Variants in ATG2A observed in about 807,000 individuals in gnomAD.
The protein encoded by ATG2A is autophagy-related protein 2 homolog A.
A neutral mutation model predicts 214.2 loss-of-function variants in ATG2A; 103 were observed. The observed-to-expected ratio is 0.48, with a 90% CI of 0.41 to 0.57. ATG2A has a LOEUF of 0.57. Among genes scored for constraint, ATG2A ranks in the 20% least tolerant of loss-of-function variants. The pLI, the probability that ATG2A is intolerant of heterozygous loss-of-function variation, is 0.00. For synonymous variants in ATG2A, 1,160 were observed against 1,142.1 expected (o/e 1.02, Z -0.32); for missense variants, 2,312 against 2,613.2 (o/e 0.88, Z 2.51).
In ATG2A at chr11:64,900,025, A is replaced by AT. The variant is rs35952373; in HGVS notation, c.4464+468dup. Among the ~76,000 whole-genome samples the AT allele has an allele frequency of 2.9e-4, 35 of 120,100 alleles. 1 individual carries two copies. Among genetic ancestry groups the AT allele is most frequent in the African/African-American group, 8.7e-4 (29 of 33,296 alleles). The allele number at this position is 120,100 out of a possible 152,430, so 78.8% of individuals were successfully genotyped here. ...AGGCACACACCACTGCAAATGGTTA[A>AT]TTTTTTTTTTTTTTTTTTTTGGTAG... is the stretch of plus-strand genomic sequence containing the variant. On this transcript the variant is annotated intron_variant, in intron 31 of 40. Coordinates refer to ENST00000377264, the MANE Select transcript of ATG2A (RefSeq NM_015104.3).
chr11:64,906,974 C>G (rs545902421), intron 19 of ATG2A, among the ~76,000 whole-genome samples, 159 bp from the exon 20 acceptor site: 20 of 152,326 alleles, frequency 1.3e-4, no homozygotes, highest in African/African-American at 4.6e-4. Context: ...CCTCTTTTGC[C>G]AGGAGAAAAA....
At position 64,896,918 on chromosome 11, in the gene ATG2A, A is replaced by G. The variant is rs779916115; in HGVS notation, c.5151-49T>C. The G allele has an allele frequency of 1.6e-5, 25 of 1,604,388 alleles. 1 individual carries two copies. The East Asian group carries it at 5.6e-4, about 36-fold the overall frequency. On this transcript the variant is annotated intron_variant, in intron 37 of 40. Coordinates refer to ENST00000377264, the MANE Select transcript of ATG2A (RefSeq NM_015104.3). ...GGCAGAAGGTGAGGCAGAGCCACAC[A>G]TGGAGGGATTGTGGGGTCAGGAGGA...
intron 1 of ATG2A, among the ~76,000 whole-genome samples, chr11:64,914,897 G>A (rs1235423953): frequency 6.6e-6 from 1 of 151,748 alleles, no homozygotes; most frequent in East Asian, 1.9e-4. Flanking sequence ...GGGGTGGTGA[G>A]GGGGCTGGTG....
Position 64,906,545 on chromosome 11 carries a change from T to C in ATG2A, c.2984-12A>G. 6.2e-7 allele frequency: 1 copy of C among 1,610,434 alleles called. No homozygotes were observed. The highest frequency in any genetic ancestry group is 8.5e-7 in the Non-Finnish European group (1 of 1,178,800). On this transcript the variant is annotated splice_polypyrimidine_tract_variant and intron_variant, in intron 20 of 40. Coordinates refer to ENST00000377264, the MANE Select transcript of ATG2A (RefSeq NM_015104.3). Reference sequence around the variant, plus strand: ...GTCATCCACGGCCGCTGGGGAGGGGTCTCATGAGCCCCCTGCCAAGCCAAC... The same window carrying C: ...GTCATCCACGGCCGCTGGGGAGGGGCCTCATGAGCCCCCTGCCAAGCCAAC...
intron 14 of ATG2A, 34 bp downstream of exon 14, chr11:64,909,647 C>T: frequency 6.2e-7 from 1 of 1,601,944 alleles, no homozygotes; most frequent in South Asian, 1.1e-5. Context: ...AGCCAGGCCT[C>T]TTGCCCCAAG....
At position 64,902,724 on chromosome 11, in the gene ATG2A, C is replaced by T. The variant is rs377115626; in HGVS notation, c.3613-44G>A. 3.8e-6 allele frequency: 6 copies of T among 1,574,308 alleles called. No homozygotes were observed. The African/African-American group carries it at 8.1e-5, about 21-fold the overall frequency. ...GGGAGCAGCTATGTGAACACAGGGGCCACTGCCTGCTGGCCCCACCCGCTC... is the reference window on the plus strand; with the variant it reads ...GGGAGCAGCTATGTGAACACAGGGGTCACTGCCTGCTGGCCCCACCCGCTC... On this transcript the variant is annotated intron_variant, in intron 26 of 40. Coordinates refer to ENST00000377264, the MANE Select transcript of ATG2A (RefSeq NM_015104.3).
intron 13 of ATG2A, 29 bp downstream of exon 13, chr11:64,910,011 C>A: frequency 1.3e-6 from 2 of 1,557,230 alleles, no homozygotes; most frequent in Non-Finnish European, 1.7e-6. Context: ...GCACCCACCC[C>A]CGGCCTGGCC....
At chr11:64,911,336 AAT>A in intron 9 of ATG2A, 61 bp from the exon 10 acceptor site, 3 of 1,547,816 alleles carry the variant, frequency 1.9e-6, no homozygotes, top group Middle Eastern at 1.7e-4. Context: ...CAGGTGGAGC[AAT>A]AGTTTGCCAC....
At position 64,909,880 on chromosome 11, in the gene ATG2A, G is replaced by C. The variant is rs1292326753; in HGVS notation, c.1908C>G (p.Leu636=). 2 of 1,608,540 alleles carry C rather than the reference G, an allele frequency of 1.2e-6. No individual in the cohort carries two copies. Among genetic ancestry groups the C allele is most frequent in the African/African-American group, 1.3e-5 (1 of 74,986 alleles). The change falls in exon 14 of 41, where the codon CTC becomes CTG. Residue 636 remains leucine, a synonymous_variant. Transcript: ENST00000377264. ...GCCGCAGCGTGGCCCGGGGTGCAGA[G>C]AGCCGAAATACCGTCTGCTGCTCCA... ...PAMEQQTVFR[L]SAPRATLRLR... is the part of the protein sequence containing the mutation.
chr11:64,911,315 T>C, intron 9 of ATG2A, 40 bp from the exon 10 acceptor site: 1 of 1,594,082 alleles, frequency 6.3e-7, no homozygotes, highest in Non-Finnish European at 8.6e-7. Flanking sequence ...CCCAACAGAT[T>C]CCGGGTACCC....
At chr11:64,907,983 ATCAT>A in intron 16 of ATG2A, 93 bp from the exon 17 acceptor site, 23 of 1,425,824 alleles carry the variant, frequency 1.6e-5, no homozygotes, top group Admixed American at 2.1e-5. Flanking sequence ...CCTGTCGTTC[ATCAT>A]TCATTCATTC....
At chr11:64,897,074 G>GA in intron 37 of ATG2A, 1 of 765,602 alleles carries the variant, frequency 1.3e-6, no homozygotes, top group Non-Finnish European at 2.0e-6. Context: ...AGGCTGGAGT[G>GA]AAGTGGTGCG....
intron 9 of ATG2A, 123 bp from the exon 10 acceptor site, chr11:64,911,398 G>A: frequency 1.0e-6 from 1 of 1,000,064 alleles, no homozygotes; most frequent in Non-Finnish European, 1.5e-6. Flanking sequence ...GGCTCTGGCA[G>A]AAGGCTTGGT....
At chr11:64,899,364 G>A (rs1423853826) in intron 31 of ATG2A, among the ~76,000 whole-genome samples, 1 of 152,116 alleles carries the variant, frequency 6.6e-6, no homozygotes, top group Non-Finnish European at 1.5e-5. Flanking sequence ...TCTCCGTGGA[G>A]AGCCTTCCTT....
intron 22 of ATG2A, 33 bp from the exon 23 acceptor site, chr11:64,905,881 G>A: frequency 2.5e-6 from 4 of 1,598,656 alleles, no homozygotes; most frequent in Non-Finnish European, 3.4e-6. Context: ...AAGCAGTGAG[G>A]ATCAGGTGGT....
At position 64,894,628 on chromosome 11, in the gene ATG2A, G is replaced by A. The variant is rs1944082306; in HGVS notation, c.*345C>T. 5 of 587,850 alleles carry A rather than the reference G, an allele frequency of 8.5e-6. No individual in the cohort carries two copies. The highest frequency in any genetic ancestry group is 1.3e-5 in the Non-Finnish European group (4 of 311,098). The allele number at this position is 587,850 out of a possible 1,614,324, so 36.4% of individuals were successfully genotyped here. A position where few individuals can be genotyped will look rare whatever the true frequency, so the allele number is the denominator to read the frequency against. ...TTAAAAATAATACATCGAACCACAC[G>A]GATATCATCCCCTCCTCCCCCCAGA... On this transcript the variant is annotated 3_prime_UTR_variant, in exon 41 of 41. Transcript: ENST00000377264.
chr11:64,912,476 A>G (rs1260805759), intron 6 of ATG2A, 53 bp from the exon 7 acceptor site: 6 of 1,445,472 alleles, frequency 4.2e-6, no homozygotes, highest in Non-Finnish European at 5.6e-6. Flanking sequence ...CAGCTCCTCT[A>G]AGAGCTACCA....
In ATG2A at chr11:64,902,876, G is replaced by C. The variant is rs532922214; in HGVS notation, c.3613-196C>G. Among the ~76,000 whole-genome samples the C allele has an allele frequency of 1.6e-4, 24 of 152,282 alleles. No individual in the cohort carries two copies. The East Asian group carries it at 4.4e-3, about 28-fold the overall frequency. ...AACTGTTCACCCAGAGGGTGAAAGG[G>C]GCTTGGCCCAGGGCCATCCAAGGAA... On this transcript the variant is annotated intron_variant, in intron 26 of 40. Coordinates refer to ENST00000377264, the MANE Select transcript of ATG2A (RefSeq NM_015104.3).
rs938705217 is a variant in ATG2A at position 64,899,600 on chromosome 11, C to A, written c.4465-758G>T. 1.4e-4 allele frequency among the ~76,000 whole-genome samples: 22 copies of A among 152,280 alleles called. 1 individual carries two copies. The highest frequency in any genetic ancestry group is 4.8e-4 in the African/African-American group (20 of 41,554). On this transcript the variant is annotated intron_variant, in intron 31 of 40. Coordinates refer to ENST00000377264, the MANE Select transcript of ATG2A (RefSeq NM_015104.3). The stretch of plus-strand genomic sequence containing the variant: ...CCTGCCCCAGGCAATTTCCCAGGCC[C>A]AAACCTTGAACCCTCTGTACCACTC...
Sources: allele counts gnomAD v4.1 joint callset (sites outside exome capture counted in the v4.1 genomes callset), GRCh38; gene constraint gnomAD v4.1.1; transcripts MANE v1.5; gene names NCBI Gene and HGNC (gene_info 2026-07-23, HGNC 2026-07-21).